The following ELP4 variants were observed in gnomAD, a reference collection of about 807,000 sequenced individuals.
The protein encoded by ELP4 is elongator complex protein 4.
A neutral mutation model predicts 48.9 loss-of-function variants in ELP4; 51 were observed. The observed-to-expected ratio is 1.04, with a 90% confidence interval of 0.83 to 1.32. The LOEUF (loss-of-function observed/expected upper bound fraction) is 1.32, where lower values mean the gene tolerates loss of function less well. ELP4 is among the 40% of genes most tolerant of loss of function. The pLI is 0.00. For missense variants in ELP4, 519 were observed against 514.6 expected (o/e 1.01, Z -0.08); for synonymous variants, 210 against 189.2 (o/e 1.11, Z -0.90).
chr11:31,702,538 G>A (rs960269129), intron 9 of ELP4, among the ~76,000 whole-genome samples: 2 of 151,872 alleles, frequency 1.3e-5, no homozygotes, highest in African/African-American at 4.8e-5. Context: ...ATTTAAGAAT[G>A]GTTAAGAGAT....
intron 5 of ELP4, among the ~76,000 whole-genome samples, chr11:31,617,639 A>G (rs1177568202): frequency 6.6e-6 from 1 of 151,920 alleles, no homozygotes; most frequent in Non-Finnish European, 1.5e-5. Flanking sequence ...GAAAATCAGC[A>G]TATTCTGTTA....
chr11:31,560,656 T>G (rs1006872535), intron 3 of ELP4, among the ~76,000 whole-genome samples: 1 of 103,276 alleles, frequency 9.7e-6, no homozygotes, highest in Non-Finnish European at 2.1e-5. Context: ...TAAAATATAT[T>G]TTAATTATTT....
At chr11:31,512,393 T>A (rs1224423442) in intron 1 of ELP4, 3 of 152,210 alleles carry the variant, frequency 2.0e-5, no homozygotes, top group Non-Finnish European at 4.4e-5. Context: ...ACATGCTAAT[T>A]GTTAGTCATT....
At chr11:31,682,039 C>G in intron 9 of ELP4, 1 of 1,291,570 alleles carries the variant, frequency 7.7e-7, no homozygotes, top group South Asian at 1.2e-5. Context: ...CCGCGCCCGG[C>G]CTAGGGCTTT....
At chr11:31,523,924 A>G (rs1204242553) in intron 2 of ELP4, among the ~76,000 whole-genome samples, 1 of 152,174 alleles carries the variant, frequency 6.6e-6, no homozygotes, top group African/African-American at 2.4e-5. Flanking sequence ...GAGTTTACAC[A>G]GTCTCTTTAA....
chr11:31,536,349 T>C (rs1476454162), intron 2 of ELP4, among the ~76,000 whole-genome samples: 2 of 152,132 alleles, frequency 1.3e-5, no homozygotes, highest in Non-Finnish European at 2.9e-5. Flanking sequence ...TGTTTTTGTT[T>C]TGTTTTGTTC....
chr11:31,714,287 AT>A (rs1345320613), intron 9 of ELP4, among the ~76,000 whole-genome samples: 1 of 152,140 alleles, frequency 6.6e-6, no homozygotes, highest in African/African-American at 2.4e-5. Flanking sequence ...TTTCCTTAGA[AT>A]TTTTTTATCA....
chr11:31,687,578 G>A (rs1946187419), intron 9 of ELP4: 1 of 152,138 alleles, frequency 6.6e-6, no homozygotes, highest in Non-Finnish European at 1.5e-5. Flanking sequence ...AAGATCTAAT[G>A]GCTTTTGCAA....
At chr11:31,593,087 G>A (rs1957612157) in intron 3 of ELP4, among the ~76,000 whole-genome samples, 1 of 152,196 alleles carries the variant, frequency 6.6e-6, no homozygotes, top group African/African-American at 2.4e-5. Context: ...TACAAAATGT[G>A]TGGCTCTGAG....
chr11:31,724,304 G>A (rs1947028997), intron 9 of ELP4, among the ~76,000 whole-genome samples: 1 of 152,126 alleles, frequency 6.6e-6, no homozygotes, highest in African/African-American at 2.4e-5. Context: ...TTGTCTCCCT[G>A]ATCAAAGATG....
chr11:31,533,738 T>C (rs1200255937), intron 2 of ELP4, among the ~76,000 whole-genome samples: 1 of 151,978 alleles, frequency 6.6e-6, no homozygotes, highest in African/African-American at 2.4e-5. Flanking sequence ...ATTTTGAAAA[T>C]GTTACTACTA....
chr11:31,741,523 A>T (rs1190517006), intron 9 of ELP4, among the ~76,000 whole-genome samples: 1 of 152,144 alleles, frequency 6.6e-6, no homozygotes, highest in African/African-American at 2.4e-5. Context: ...CACCTCACAC[A>T]GCCGGGTACT....
rs551286637 is a variant in ELP4, at chr11:31,743,199, A to G, written c.1144-40194A>G. Reference sequence around the variant, plus strand: ...ATCAATTCAACAAGAAGAGCTAACTATCCCAAATATATATGTTCCCAATAC... The same window carrying G: ...ATCAATTCAACAAGAAGAGCTAACTGTCCCAAATATATATGTTCCCAATAC... On this transcript the variant is annotated intron_variant, in intron 9 of 9. Coordinates refer to ENST00000640961, the MANE Select transcript of ELP4 (RefSeq NM_019040.5). Among the ~76,000 whole-genome samples, 39 of 152,368 alleles carry G rather than the reference A, an allele frequency of 2.6e-4. 1 individual carries two copies. The highest frequency in any genetic ancestry group is 2.5e-3 in the Admixed American group (39 of 15,304).
At position 31,630,822 on chromosome 11, in the gene ELP4, G is replaced by A. The variant is rs1320102796; in HGVS notation, c.739-1395G>A. Among the ~76,000 whole-genome samples the A allele has an allele frequency of 7.9e-5, 12 of 152,178 alleles. No homozygotes were observed. The South Asian group carries it at 1.2e-3, about 16-fold the overall frequency. The stretch of plus-strand genomic sequence containing the variant: ...TAGCTAGATCTGGTGGCACATGCAC[G>A]TAGTCCCAGCTACTCTGGAGGCAGA... On this transcript the variant is annotated intron_variant, in intron 6 of 9. Transcript: ENST00000640961.
chr11:31,752,616 C>T (rs1008695391), intron 9 of ELP4, among the ~76,000 whole-genome samples: 4 of 151,966 alleles, frequency 2.6e-5, no homozygotes, highest in South Asian at 2.1e-4. Context: ...GGACGGATCA[C>T]GAGGTCAGGA....
At chr11:31,537,412 G>A (rs927673802) in intron 2 of ELP4, among the ~76,000 whole-genome samples, 4 of 152,078 alleles carry the variant, frequency 2.6e-5, no homozygotes, top group Non-Finnish European at 5.9e-5. Context: ...CTTATAGTAA[G>A]TCTTGAAATA....
chr11:31,680,388 C>T (rs1001423307), intron 9 of ELP4, among the ~76,000 whole-genome samples: 2 of 152,138 alleles, frequency 1.3e-5, no homozygotes, highest in Admixed American at 1.3e-4. Context: ...GATGATATTT[C>T]TGCACCTGCA....
intron 5 of ELP4, among the ~76,000 whole-genome samples, chr11:31,605,673 C>T (rs969256441): frequency 1.3e-5 from 2 of 151,968 alleles, no homozygotes; most frequent in African/African-American, 4.8e-5. Context: ...TTTACACCAG[C>T]AAGTACAGTG....
intron 6 of ELP4, among the ~76,000 whole-genome samples, chr11:31,627,699 T>G (rs1295592626): frequency 6.6e-6 from 1 of 152,078 alleles, no homozygotes; most frequent in Non-Finnish European, 1.5e-5. Flanking sequence ...TTTTTAAAAC[T>G]TCCTCCAAAT....
Sources: gnomAD v4.1 joint callset for allele counts (sites outside exome capture counted in the v4.1 genomes callset) on GRCh38, gnomAD v4.1.1 for gene constraint, MANE v1.5 for transcripts, NCBI Gene and HGNC (gene_info 2026-07-23, HGNC 2026-07-21) for gene names.